ARHGAP10: variants seen among roughly 807,000 people sequenced by gnomAD.
ARHGAP10 encodes the protein Rho GTPase activating protein 10.
A neutral mutation model predicts 108.6 loss-of-function variants in ARHGAP10; 87 were observed. That is an observed-to-expected ratio of 0.80 (90% CI 0.67 to 0.96). The LOEUF is 0.96. ARHGAP10 is among the 40% of genes least tolerant of loss of function. The probability of loss-of-function intolerance (pLI) is 0.00; values close to 1 mark genes in which losing one functional copy is unlikely to be tolerated. For synonymous variants in ARHGAP10, 347 were observed against 341.1 expected (o/e 1.02, Z -0.19); for missense variants, 939 against 954.5 (o/e 0.98, Z 0.21).
intron 20 of ARHGAP10, 109 bp downstream of exon 20, chr4:148,047,160 G>A (rs1728925795): frequency 7.4e-7 from 1 of 1,347,026 alleles, no homozygotes; most frequent in South Asian, 1.6e-5. Flanking sequence ...TTAGATCTAG[G>A]AGCCCTTGTT....
At position 147,879,843 on chromosome 4, in the gene ARHGAP10, C is replaced by T. The variant is rs578256076; in HGVS notation, c.939+505C>T. ...GAACAATAGAATCCTTTTTATGCCA[C>T]TGTTTGGAAGATAAAGGTAACACTG... is the stretch of plus-strand genomic sequence containing the variant. On this transcript the variant is annotated intron_variant, in intron 9 of 22. Coordinates refer to ENST00000336498, the MANE Select transcript of ARHGAP10 (RefSeq NM_024605.4). 1.2e-4 allele frequency among the ~76,000 whole-genome samples: 18 copies of T among 152,282 alleles called. 1 individual carries two copies. The highest frequency in any genetic ancestry group is 4.3e-4 in the African/African-American group (18 of 41,540).
chr4:147,863,138 A>G (rs898152066), intron 5 of ARHGAP10: 1 of 152,352 alleles, frequency 6.6e-6, no homozygotes, highest in African/African-American at 2.4e-5. Flanking sequence ...TCTATGGCCC[A>G]GTGGTATTAA....
At chr4:147,842,852 G>C (rs76908336) in intron 3 of ARHGAP10, among the ~76,000 whole-genome samples, 2,870 of 152,198 alleles carry the variant, frequency 0.019, 95 homozygotes, top group African/African-American at 0.066. Flanking sequence ...TCCCTTCCTT[G>C]CTGGAGAAAA....
intron 12 of ARHGAP10, among the ~76,000 whole-genome samples, chr4:147,911,572 C>T (rs1736734390): frequency 6.6e-6 from 1 of 152,162 alleles, no homozygotes; most frequent in Non-Finnish European, 1.5e-5. Flanking sequence ...CCGTGTTAGC[C>T]AGGATGGTCT....
chr4:147,759,154 C>G (rs116429035), intron 1 of ARHGAP10, among the ~76,000 whole-genome samples: 3,181 of 152,086 alleles, frequency 0.021, 49 homozygotes, highest in Middle Eastern at 0.034. Context: ...TAGTAATAAA[C>G]TATTGTAATA....
intron 18 of ARHGAP10, among the ~76,000 whole-genome samples, chr4:148,007,054 G>A (rs1317297796): frequency 2.0e-5 from 3 of 152,096 alleles, no homozygotes; most frequent in Admixed American, 1.3e-4. Flanking sequence ...GGTGCGGTGG[G>A]AGTTAGCGCA....
chr4:147,926,732 G>A (rs1172066297), intron 13 of ARHGAP10, among the ~76,000 whole-genome samples: 1 of 152,172 alleles, frequency 6.6e-6, no homozygotes, highest in Non-Finnish European at 1.5e-5. Flanking sequence ...ACATAAGACA[G>A]AGGGATAGGA....
At chr4:148,027,586 A>G (rs966157020) in intron 19 of ARHGAP10, among the ~76,000 whole-genome samples, 1 of 152,222 alleles carries the variant, frequency 6.6e-6, no homozygotes, top group African/African-American at 2.4e-5. Context: ...CTTGTATCCT[A>G]AGTAGGAACA....
intron 1 of ARHGAP10, chr4:147,745,347 G>C (rs1192819702): frequency 6.6e-6 from 1 of 152,250 alleles, no homozygotes; most frequent in Non-Finnish European, 1.5e-5. Context: ...CTGTCTTCAA[G>C]CAGGCTTGAC....
At chr4:148,065,639 G>A (rs1163827352) in intron 22 of ARHGAP10, 1 of 152,178 alleles carries the variant, frequency 6.6e-6, no homozygotes, top group African/African-American at 2.4e-5. Flanking sequence ...CACACCATAT[G>A]GCTGAAGGGG....
At chr4:147,768,328 T>C (rs1427749311) in intron 1 of ARHGAP10, among the ~76,000 whole-genome samples, 1 of 152,254 alleles carries the variant, frequency 6.6e-6, no homozygotes. Context: ...TACATTACTT[T>C]ATTACGTTGT....
In ARHGAP10 at chr4:147,765,636, C is replaced by G. The variant is rs139342380; in HGVS notation, c.154+33181C>G. Among the ~76,000 whole-genome samples, 1,039 of 151,828 alleles carry G rather than the reference C, an allele frequency of 6.8e-3. 12 individuals are homozygous for G. Among genetic ancestry groups the G allele is most frequent in the African/African-American group, 0.023 (955 of 41,388 alleles). On this transcript the variant is annotated intron_variant, in intron 1 of 22. Coordinates refer to ENST00000336498, the MANE Select transcript of ARHGAP10 (RefSeq NM_024605.4). ...CCAACATGGTCAAAGCCTGTCTTTACAAAAAATACAAAAATTAGCTGGGTG... is the reference window on the plus strand; with the variant it reads ...CCAACATGGTCAAAGCCTGTCTTTAGAAAAAATACAAAAATTAGCTGGGTG...
intron 13 of ARHGAP10, among the ~76,000 whole-genome samples, chr4:147,937,140 G>C (rs753797041): frequency 5.3e-5 from 8 of 152,152 alleles, no homozygotes; most frequent in Non-Finnish European, 1.0e-4. Context: ...GTTGGGGATG[G>C]GGGCTGCTGA....
chr4:147,749,967 C>G (rs980956094), intron 1 of ARHGAP10, among the ~76,000 whole-genome samples: 9 of 152,122 alleles, frequency 5.9e-5, no homozygotes, highest in African/African-American at 2.2e-4. Context: ...GTTTTGTTTG[C>G]AATAAGATGG....
intron 3 of ARHGAP10, among the ~76,000 whole-genome samples, chr4:147,830,678 C>T (rs990821248): frequency 1.3e-5 from 2 of 152,052 alleles, no homozygotes; most frequent in Non-Finnish European, 1.5e-5. Flanking sequence ...TGCTACCACA[C>T]CCAGCTAATT....
Position 147,866,754 on chromosome 4 carries a change from G to A in ARHGAP10, c.640G>A (p.Gly214Ser), listed in dbSNP as rs199963512. The change falls in exon 7 of 23, where the codon GGC (glycine) becomes AGC (serine). Residue 214 changes from glycine to serine, a missense_variant. Coordinates refer to ENST00000336498, the MANE Select transcript of ARHGAP10 (RefSeq NM_024605.4). ...GGGGATGTTTACCTTCTATCATCAG[G>A]GCCATGAACTTGCCAAAGACTTCAA... is the stretch of plus-strand genomic sequence containing the variant. Reference protein sequence around the residue: ...FQGMFTFYHQGHELAKDFNHY... With the variant: ...FQGMFTFYHQSHELAKDFNHY... The A allele has an allele frequency of 4.8e-5, 77 of 1,613,420 alleles. No homozygotes were observed. Among genetic ancestry groups the A allele is most frequent in the Middle Eastern group, 3.3e-4 (2 of 6,082 alleles).
intron 15 of ARHGAP10, among the ~76,000 whole-genome samples, chr4:147,954,931 ATATCT>A (rs763603159): frequency 6.6e-6 from 1 of 152,080 alleles, no homozygotes; most frequent in Non-Finnish European, 1.5e-5. Flanking sequence ...TCTTCAGCTA[ATATCT>A]TAGAGATGAA....
At chr4:147,823,061 G>C (rs1732570929) in intron 3 of ARHGAP10, 104 bp downstream of exon 3, 2 of 1,151,788 alleles carry the variant, frequency 1.7e-6, no homozygotes, top group Admixed American at 2.0e-5. Flanking sequence ...TTATCCCTGG[G>C]TACAGTAGTG....
At chr4:147,831,725 T>A (rs955244716) in intron 3 of ARHGAP10, among the ~76,000 whole-genome samples, 2 of 152,234 alleles carry the variant, frequency 1.3e-5, no homozygotes, top group African/African-American at 4.8e-5. Flanking sequence ...CAGATAGGGA[T>A]GTCTTTGTAA....
Sources: gnomAD v4.1 joint callset for allele counts (sites outside exome capture counted in the v4.1 genomes callset) on GRCh38, gnomAD v4.1.1 for gene constraint, MANE v1.5 for transcripts, NCBI Gene and HGNC (gene_info 2026-07-23, HGNC 2026-07-21) for gene names.